Variants in SEC31A observed in about 807,000 individuals in gnomAD.
SEC31A encodes SEC31 homolog A, COPII component.
Under a neutral mutation model 151.0 loss-of-function variants are expected in SEC31A, and 70 were observed. The observed-to-expected ratio is 0.46, with a 90% CI of 0.38 to 0.57. SEC31A has a LOEUF of 0.57. Among genes scored for constraint, SEC31A ranks in the 20% least tolerant of loss-of-function variants. The probability of loss-of-function intolerance (pLI) is 0.00; values close to 1 mark genes in which losing one functional copy is unlikely to be tolerated. For synonymous variants in SEC31A, 475 were observed against 505.9 expected (o/e 0.94, Z 0.82); for missense variants, 1,330 against 1,471.2 (o/e 0.90, Z 1.57).
chr4:82,845,814 T>C (rs959198348), intron 20 of SEC31A, among the ~76,000 whole-genome samples: 1 of 151,996 alleles, frequency 6.6e-6, no homozygotes. Flanking sequence ...ACAATCAGAG[T>C]ATTAAAGCTG....
Position 82,867,219 on chromosome 4 carries a change from C to A in SEC31A, c.980G>T (p.Arg327Leu), listed in dbSNP as rs375167768. The A allele has an allele frequency of 4.3e-6, 7 of 1,613,650 alleles. No homozygotes were observed. Among genetic ancestry groups the A allele is most frequent in the Non-Finnish European group, 4.2e-6 (5 of 1,179,690 alleles). The change falls in exon 9 of 27, where the codon CGT becomes CTT. Residue 327 changes from arginine to leucine, a missense_variant. Coordinates refer to ENST00000395310, the MANE Select transcript of SEC31A (RefSeq NM_001077207.4). ...TCCCATGATAGAATAAACACTGATA[C>A]GCCCATCAAACGAAGCAGCTGATAA... ...AVLSAASFDG[R>L]ISVYSIMGGS...
At chr4:82,841,424 A>G (rs1168826248) in intron 22 of SEC31A, among the ~76,000 whole-genome samples, 28 of 103,052 alleles carry the variant, frequency 2.7e-4, no homozygotes, top group African/African-American at 9.0e-4. Context: ...CTCCATCTCA[A>G]AAAAGAAAAA....
At chr4:82,871,330 ACACACAC>A in intron 7 of SEC31A, 1 of 1,509,788 alleles carries the variant, frequency 6.6e-7, no homozygotes, top group Non-Finnish European at 8.9e-7. Context: ...ACACACACAC[ACACACAC>A]AAGTAACGTA....
chr4:82,844,514 G>T lies in SEC31A; in HGVS notation c.2503-5C>A. On this transcript the variant is annotated splice_polypyrimidine_tract_variant and splice_region_variant and intron_variant, in intron 20 of 26. Coordinates refer to ENST00000395310, the MANE Select transcript of SEC31A (RefSeq NM_001077207.4). ...CGGAGGTGGAGGATTTTCTCCCTAA[G>T]AAACAAGAACATGGTAAGAAGGCGG... 6.2e-7 allele frequency: 1 copy of T among 1,612,776 alleles called. No individual in the cohort carries two copies. Among genetic ancestry groups the T allele is most frequent in the Non-Finnish European group, 8.5e-7 (1 of 1,179,042 alleles).
chr4:82,889,680 G>A (rs1680451843), intron 1 of SEC31A, among the ~76,000 whole-genome samples: 1 of 152,040 alleles, frequency 6.6e-6, no homozygotes, highest in South Asian at 2.1e-4. Context: ...GCTCTTCACA[G>A]TTTACAAATT....
At chr4:82,885,554 C>T (rs1484370760) in intron 1 of SEC31A, among the ~76,000 whole-genome samples, 3 of 152,136 alleles carry the variant, frequency 2.0e-5, no homozygotes, top group Non-Finnish European at 2.9e-5. Flanking sequence ...TACTGCCCAT[C>T]CACACAACAT....
At chr4:82,863,093 C>CTAA (rs1387517463) in intron 12 of SEC31A, 1 of 448,290 alleles carries the variant, frequency 2.2e-6, no homozygotes, top group South Asian at 3.0e-5. Context: ...TGATGAAAGG[C>CTAA]TAATACAAGT....
At chr4:82,824,486 T>C in intron 25 of SEC31A, 69 bp downstream of exon 25, 1 of 1,551,130 alleles carries the variant, frequency 6.4e-7, no homozygotes, top group South Asian at 1.2e-5. Flanking sequence ...ATTACACGCA[T>C]AAGCCACCAC....
intron 3 of SEC31A, among the ~76,000 whole-genome samples, chr4:82,898,962 A>G (rs1720177977): frequency 6.6e-6 from 1 of 152,262 alleles, no homozygotes; most frequent in Admixed American, 6.5e-5. Flanking sequence ...GGAAAACCCA[A>G]ATGTCCACCA....
At chr4:82,831,028 A>C in intron 22 of SEC31A, 2 of 707,880 alleles carry the variant, frequency 2.8e-6, no homozygotes, top group South Asian at 2.6e-5. Flanking sequence ...GACATTCTAA[A>C]CTTTACTCAT....
Position 82,827,244 on chromosome 4 carries a change from C to A in SEC31A, c.3291+125G>T. ...CATGATCGATCTTAAAAAAAAGTTA[C>A]TATTTTTTGTTTAGGTTGTCTAGAT... is the stretch of plus-strand genomic sequence containing the variant. On this transcript the variant is annotated intron_variant, in intron 24 of 26. Transcript: ENST00000395310. 2.7e-6 allele frequency: 3 copies of A among 1,102,440 alleles called. No individual in the cohort carries two copies. In the South Asian group the frequency reaches 4.6e-5, roughly 17 times the overall value. 68.3% of individuals were successfully genotyped at this position (1,102,440 alleles called of 1,614,324 possible).
At chr4:82,888,374 C>CATATATATATATATGCGTATATATAT (rs372538437) in intron 1 of SEC31A, among the ~76,000 whole-genome samples, 56 of 10,730 alleles carry the variant, frequency 5.2e-3, no homozygotes, top group African/African-American at 0.012. Flanking sequence ...AAAAAAAAAA[C>CATATATATATATATGCGTATATATAT]ACACAAAAAA....
chr4:82,891,518 C>T (rs1215168350), upstream of SEC31A, among the ~76,000 whole-genome samples: 1 of 152,226 alleles, frequency 6.6e-6, no homozygotes, highest in Non-Finnish European at 1.5e-5. Flanking sequence ...AGCACTAGTC[C>T]TGTGAGGCGT....
At chr4:82,896,754 A>T (rs978038498) in intron 3 of SEC31A, among the ~76,000 whole-genome samples, 4 of 152,126 alleles carry the variant, frequency 2.6e-5, no homozygotes, top group African/African-American at 9.7e-5. Context: ...CTTTCTAAGA[A>T]TTTTTCAAGG....
At position 82,851,509 on chromosome 4, in the gene SEC31A, C is replaced by T; in HGVS notation, c.2250G>A (p.Met750Ile). The change falls in exon 19 of 27, where the codon ATG becomes ATA. Residue 750 changes from methionine to isoleucine, a missense_variant. Physicochemically the swap from Met to Ile is conservative, Grantham distance 10. Coordinates refer to ENST00000395310, the MANE Select transcript of SEC31A (RefSeq NM_001077207.4). ...CTGCCAACAAATTGGCATACTGACT[C>T]ATCTTCGCAGCCAAGAGAACTCCTA... ...STVGVLLAAKMSQYANLLAAQ... is the reference protein window; with the variant it reads ...STVGVLLAAKISQYANLLAAQ... 1.2e-6 allele frequency: 2 copies of T among 1,614,136 alleles called. No homozygotes were observed. Among genetic ancestry groups the T allele is most frequent in the Non-Finnish European group, 1.7e-6 (2 of 1,179,980 alleles).
chr4:82,872,202 T>TTTTGC, intron 6 of SEC31A, 116 bp from the exon 7 acceptor site: 2 of 657,588 alleles, frequency 3.0e-6, no homozygotes, highest in Non-Finnish European at 4.7e-6. Context: ...CTGTGGCTTA[T>TTTTGC]TTTATTTATG....
At chr4:82,850,857 C>T (rs1035942950) in intron 19 of SEC31A, among the ~76,000 whole-genome samples, 6 of 152,182 alleles carry the variant, frequency 3.9e-5, no homozygotes, top group African/African-American at 1.4e-4. Context: ...ATTCTATACC[C>T]ACTTGTTGAA....
chr4:82,862,467 A>AT, intron 13 of SEC31A, 67 bp downstream of exon 13: 1 of 1,166,622 alleles, frequency 8.6e-7, no homozygotes. Context: ...TTCTTAAATG[A>AT]TATTTCCTTC....
At chr4:82,894,784 G>A (rs1719993086), upstream of SEC31A, 1 of 152,154 alleles carries the variant, frequency 6.6e-6, no homozygotes, top group Admixed American at 6.5e-5. Context: ...CAGAATTCGT[G>A]TTGTTCTGAT....
Sources: gnomAD v4.1 joint callset for allele counts (sites outside exome capture counted in the v4.1 genomes callset) on GRCh38, gnomAD v4.1.1 for gene constraint, MANE v1.5 for transcripts, NCBI Gene and HGNC (gene_info 2026-07-23, HGNC 2026-07-21) for gene names.